DNAAF9: variants seen among roughly 807,000 people sequenced by gnomAD.
DNAAF9 encodes dynein axonemal assembly factor 9.
A neutral mutation model predicts 167.0 loss-of-function variants in DNAAF9; 90 were observed. The observed-to-expected ratio is 0.54, with a 90% CI of 0.45 to 0.64. The LOEUF is 0.64. DNAAF9 is among the 30% of genes least tolerant of loss of function. DNAAF9 has a pLI of 0.00. For synonymous variants in DNAAF9, 491 were observed against 508.8 expected, an observed-to-expected ratio of 0.96 and a Z score of 0.47; for missense variants, 1,315 against 1,442.2, an observed-to-expected ratio of 0.91 and a Z score of 1.43.
chr20:3,394,949 C>CTTTTTTTTTTTTTTTTTTTTTT lies in DNAAF9; in HGVS notation c.84-12465_84-12444dup. The stretch of plus-strand genomic sequence containing the variant: ...GCTTTTACTGAACATTTTCTTTTTT[C>CTTTTTTTTTTTTTTTTTTTTTT]TTTTTTTTTTTTTTTTTTTTTTTTT... On this transcript the variant is annotated intron_variant, in intron 1 of 36. Transcript: ENST00000252032. Among the ~76,000 whole-genome samples, 2 of 102,132 alleles carry CTTTTTTTTTTTTTTTTTTTTTT rather than the reference C, an allele frequency of 2.0e-5. 1 individual carries two copies. Among genetic ancestry groups the CTTTTTTTTTTTTTTTTTTTTTT allele is most frequent in the Non-Finnish European group, 3.8e-5 (2 of 52,768 alleles). The allele number at this position is 102,132 out of a possible 152,430, so 67.0% of individuals were successfully genotyped here.
chr20:3,407,553 T>C lies in DNAAF9; in HGVS notation c.5A>G (p.Asp2Gly). 1 of 1,241,920 alleles carries C rather than the reference T, an allele frequency of 8.1e-7. No individual in the cohort carries two copies. Among genetic ancestry groups the C allele is most frequent in the Non-Finnish European group, 1.0e-6 (1 of 994,600 alleles). The allele number at this position is 1,241,920 out of a possible 1,614,324, so 76.9% of individuals were successfully genotyped here. The change falls in exon 1 of 37, where the codon GAC becomes GGC. Residue 2 changes from aspartate to glycine, a missense_variant. Physicochemically the swap from Asp to Gly is moderately conservative, Grantham distance 94. This residue lies in a region of DNAAF9 where 981 missense variants were observed against 1,012.5 expected (regional missense o/e 0.97). Coordinates refer to ENST00000252032, the MANE Select transcript of DNAAF9 (RefSeq NM_001009984.3). M[D>G]VYPPRRQGLP... ...CCCCTGCCGGCGCGGGGGGTACACGTCCATGGCGGCGGACGACTGGCGGCG... is the reference window on the plus strand; with the variant it reads ...CCCCTGCCGGCGCGGGGGGTACACGCCCATGGCGGCGGACGACTGGCGGCG...
chr20:3,262,233 GAA>G (rs2068403034), intron 31 of DNAAF9, among the ~76,000 whole-genome samples: 1 of 151,122 alleles, frequency 6.6e-6, no homozygotes, highest in African/African-American at 2.4e-5. Context: ...TCCTGATGAG[GAA>G]AAAGTTCACA....
At chr20:3,319,284 A>AAAAT (rs2069571867) in intron 16 of DNAAF9, among the ~76,000 whole-genome samples, 1 of 135,414 alleles carries the variant, frequency 7.4e-6, no homozygotes, top group Non-Finnish European at 1.6e-5. Flanking sequence ...AAAAAAAAAA[A>AAAAT]AAAAAGCAAG....
At chr20:3,397,047 G>C (rs2083918425) in intron 1 of DNAAF9, among the ~76,000 whole-genome samples, 1 of 152,116 alleles carries the variant, frequency 6.6e-6, no homozygotes, top group Non-Finnish European at 1.5e-5. Flanking sequence ...AGGAGTTTGA[G>C]ACCAGCCTGG....
At chr20:3,256,916 C>T (rs1260514973) in intron 33 of DNAAF9, among the ~76,000 whole-genome samples, 1 of 152,088 alleles carries the variant, frequency 6.6e-6, no homozygotes, top group Admixed American at 6.6e-5. Flanking sequence ...CCTGTAGTCC[C>T]AGTTACTTGG....
At chr20:3,288,375 G>A (rs767535129) in intron 26 of DNAAF9, among the ~76,000 whole-genome samples, 4 of 152,156 alleles carry the variant, frequency 2.6e-5, no homozygotes, top group Admixed American at 1.3e-4. Context: ...GCTTGACCCC[G>A]GGAGGCAGAG....
intron 1 of DNAAF9, among the ~76,000 whole-genome samples, chr20:3,382,839 A>G (rs2083678936): frequency 6.6e-6 from 1 of 152,158 alleles, no homozygotes; most frequent in Non-Finnish European, 1.5e-5. Flanking sequence ...AAGAACTTCC[A>G]ATGACTTTTC....
rs574735026 is a variant in DNAAF9 at position 3,369,824 on chromosome 20, C to T, written c.612+4224G>A. 2.0e-5 allele frequency among the ~76,000 whole-genome samples: 3 copies of T among 152,248 alleles called. No homozygotes were observed. The South Asian group carries it at 6.2e-4, about 32-fold the overall frequency. On this transcript the variant is annotated intron_variant, in intron 6 of 36. Coordinates refer to ENST00000252032, the MANE Select transcript of DNAAF9 (RefSeq NM_001009984.3). ...TTATCAATTATGATTTCCTAGAGCT[C>T]GTATTTTCCATACATTCAGTTATTA...
At chr20:3,366,189 T>C (rs1417520443) in intron 6 of DNAAF9, among the ~76,000 whole-genome samples, 1 of 152,198 alleles carries the variant, frequency 6.6e-6, no homozygotes, top group African/African-American at 2.4e-5. Flanking sequence ...GAGGAATCTA[T>C]TGCCTAACAA....
At chr20:3,375,935 A>G (rs2083569295) in intron 4 of DNAAF9, among the ~76,000 whole-genome samples, 1 of 152,166 alleles carries the variant, frequency 6.6e-6, no homozygotes, top group African/African-American at 2.4e-5. Flanking sequence ...GCAGGCAAAA[A>G]GTTAAGTTCA....
chr20:3,374,737 A>G (rs6051810), intron 5 of DNAAF9, among the ~76,000 whole-genome samples: 30,857 of 152,136 alleles, frequency 0.2, 3,402 homozygotes, highest in African/African-American at 0.27. Flanking sequence ...ATGCCCCAAC[A>G]TCTATACTAT....
At chr20:3,397,488 T>C (rs896662214) in intron 1 of DNAAF9, among the ~76,000 whole-genome samples, 3 of 151,992 alleles carry the variant, frequency 2.0e-5, no homozygotes, top group Admixed American at 6.5e-5. Context: ...CCAGCTAATT[T>C]TTTGTATTTT....
intron 10 of DNAAF9, among the ~76,000 whole-genome samples, chr20:3,334,602 T>C (rs972558486): frequency 6.6e-5 from 10 of 152,238 alleles, no homozygotes; most frequent in Admixed American, 1.3e-4. Flanking sequence ...GGTAAGGCTA[T>C]ATTTAGTTTT....
chr20:3,374,284 T>C, intron 5 of DNAAF9, 130 bp from the exon 6 acceptor site: 2 of 496,858 alleles, frequency 4.0e-6, no homozygotes, highest in East Asian at 6.0e-5. Context: ...CAAAATAAAA[T>C]ACAAACAGAT....
chr20:3,398,589 T>C (rs1044490923), intron 1 of DNAAF9, among the ~76,000 whole-genome samples: 6 of 152,144 alleles, frequency 3.9e-5, no homozygotes, highest in Admixed American at 1.3e-4. Context: ...AAGTATAGAA[T>C]CTAGGTATGG....
chr20:3,394,949 CTTTTTTTTTTTTT>C (rs10522445), intron 1 of DNAAF9, among the ~76,000 whole-genome samples: 28 of 102,132 alleles, frequency 2.7e-4, no homozygotes, highest in African/African-American at 3.7e-4. Context: ...TTTCTTTTTT[CTTTTTTTTTTTTT>C]TTTTTTTTTT....
intron 6 of DNAAF9, chr20:3,362,061 AT>A: frequency 7.0e-7 from 1 of 1,434,356 alleles, no homozygotes; most frequent in South Asian, 1.2e-5. Context: ...ATTCATATTA[AT>A]TTTTTGTTAC....
At chr20:3,369,294 T>C (rs1208341014) in intron 6 of DNAAF9, among the ~76,000 whole-genome samples, 1 of 152,216 alleles carries the variant, frequency 6.6e-6, no homozygotes, top group Non-Finnish European at 1.5e-5. Context: ...ATTTCTTCCC[T>C]TATGGTATCG....
At chr20:3,370,387 T>G (rs998405497) in intron 6 of DNAAF9, among the ~76,000 whole-genome samples, 8 of 151,824 alleles carry the variant, frequency 5.3e-5, no homozygotes, top group African/African-American at 1.9e-4. Flanking sequence ...TAGGTGGGAC[T>G]GTAGGTACAT....
Sources: allele counts gnomAD v4.1 joint callset (sites outside exome capture counted in the v4.1 genomes callset), GRCh38; gene constraint gnomAD v4.1.1; regional missense constraint gnomAD v4.1.1; transcripts MANE v1.5; gene names NCBI Gene and HGNC (gene_info 2026-07-23, HGNC 2026-07-21).